The following ASCC3 variants were observed in gnomAD, a reference collection of about 807,000 sequenced individuals.
ASCC3 encodes the protein ASC-1 complex subunit P200.
ASCC3 carries 158 observed loss-of-function variants against 256.3 expected under a neutral mutation model. The observed-to-expected ratio is 0.62, with a 90% CI of 0.54 to 0.70. The LOEUF (loss-of-function observed/expected upper bound fraction) is 0.70, where lower values mean the gene tolerates loss of function less well. Among genes scored for constraint, ASCC3 ranks in the 30% least tolerant of loss-of-function variants. The probability of loss-of-function intolerance (pLI) is 0.00; values close to 1 mark genes in which losing one functional copy is unlikely to be tolerated. For synonymous variants in ASCC3, 948 were observed against 883.4 expected (o/e 1.07, Z -1.30); for missense variants, 2,259 against 2,626.0 (o/e 0.86, Z 3.05).
intron 36 of ASCC3, among the ~76,000 whole-genome samples, chr6:100,543,331 T>C (rs1775556627): frequency 6.6e-6 from 1 of 152,112 alleles, no homozygotes; most frequent in African/African-American, 2.4e-5. Flanking sequence ...TTTTTATGAA[T>C]ATTTTCGATC....
At chr6:100,725,392 C>G (rs989751194) in intron 11 of ASCC3, 147 bp downstream of exon 11, 3 of 972,438 alleles carry the variant, frequency 3.1e-6, no homozygotes, top group Non-Finnish European at 3.0e-6. Context: ...CTAGGGACAA[C>G]AGGTACATTC....
intron 8 of ASCC3, among the ~76,000 whole-genome samples, chr6:100,769,444 A>T (rs7757823): frequency 0.94 from 142,873 of 151,982 alleles, 67,478 homozygotes; most frequent in South Asian, 0.99. Flanking sequence ...CATTGCGCAG[A>T]ATATACATGC....
chr6:100,680,685 C>A (rs1013169966), intron 13 of ASCC3, among the ~76,000 whole-genome samples: 2 of 152,100 alleles, frequency 1.3e-5, no homozygotes, highest in African/African-American at 4.8e-5. Flanking sequence ...AAGACAAGTT[C>A]CCCTAGCCCC....
At chr6:100,689,964 G>A (rs1242775818) in intron 13 of ASCC3, among the ~76,000 whole-genome samples, 2 of 152,050 alleles carry the variant, frequency 1.3e-5, no homozygotes, top group African/African-American at 4.8e-5. Context: ...AAGAAAAAAA[G>A]ATATAAAAAT....
At chr6:100,859,089 T>A (rs778698488) in intron 3 of ASCC3, 1 of 779,324 alleles carries the variant, frequency 1.3e-6, no homozygotes, top group South Asian at 1.3e-5. Flanking sequence ...TCTTCTTTTG[T>A]CCATTTTAGT....
At chr6:100,547,181 A>G (rs1769016915) in intron 36 of ASCC3, among the ~76,000 whole-genome samples, 2 of 152,114 alleles carry the variant, frequency 1.3e-5, no homozygotes, top group South Asian at 4.1e-4. Context: ...ATGGCAAAAA[A>G]GAATCAACTT....
At chr6:100,788,558 G>C (rs1468541248) in intron 8 of ASCC3, among the ~76,000 whole-genome samples, 1 of 151,380 alleles carries the variant, frequency 6.6e-6, no homozygotes, top group Non-Finnish European at 1.5e-5. Context: ...CAAGCTAAAA[G>C]TACTTCAAAT....
At chr6:100,832,215 A>G (rs530086210) in intron 4 of ASCC3, among the ~76,000 whole-genome samples, 12 of 152,250 alleles carry the variant, frequency 7.9e-5, no homozygotes, top group African/African-American at 2.4e-4. Flanking sequence ...TTCAGAAAGA[A>G]CGCTTATAAA....
intron 10 of ASCC3, among the ~76,000 whole-genome samples, chr6:100,755,065 A>C (rs1393423672): frequency 6.6e-6 from 1 of 151,948 alleles, no homozygotes; most frequent in African/African-American, 2.4e-5. Flanking sequence ...AAAATGGACT[A>C]ATACGAGATC....
rs188253088 is a variant in ASCC3 at position 100,707,138 on chromosome 6, A to T, written c.2151+8324T>A. Among the ~76,000 whole-genome samples the T allele has an allele frequency of 2.8e-4, 43 of 152,250 alleles. 1 individual carries two copies. The highest frequency in any genetic ancestry group is 9.9e-4 in the African/African-American group (41 of 41,584). On this transcript the variant is annotated intron_variant, in intron 13 of 41. Coordinates refer to ENST00000369162, the MANE Select transcript of ASCC3 (RefSeq NM_006828.4). ...TTACCACAGACTTCCCATGCATATG[A>T]TGATATACTGAGAACTAAATCAACA...
intron 8 of ASCC3, among the ~76,000 whole-genome samples, chr6:100,796,584 A>T (rs1002201944): frequency 6.6e-6 from 1 of 152,100 alleles, no homozygotes; most frequent in Non-Finnish European, 1.5e-5. Context: ...AGGAAGAAAC[A>T]CCAGAGGTCT....
chr6:100,595,180 T>C (rs867873653), intron 34 of ASCC3, among the ~76,000 whole-genome samples: 2 of 152,138 alleles, frequency 1.3e-5, no homozygotes, highest in African/African-American at 2.4e-5. Flanking sequence ...TTGTGTATTT[T>C]AAAATTACTA....
intron 25 of ASCC3, among the ~76,000 whole-genome samples, chr6:100,637,851 A>T (rs1774921529): frequency 6.6e-6 from 1 of 152,192 alleles, no homozygotes; most frequent in Non-Finnish European, 1.5e-5. Context: ...TGAACAGATG[A>T]GGAGTTGCTT....
chr6:100,567,744 C>CTG (rs1770344188), intron 36 of ASCC3, among the ~76,000 whole-genome samples: 1 of 151,962 alleles, frequency 6.6e-6, no homozygotes, highest in South Asian at 2.1e-4. Flanking sequence ...TTTTTTGTGG[C>CTG]TGTGTAGTAT....
At chr6:100,686,710 C>T (rs2114976687) in intron 13 of ASCC3, among the ~76,000 whole-genome samples, 1 of 152,056 alleles carries the variant, frequency 6.6e-6, no homozygotes, top group South Asian at 2.1e-4. Flanking sequence ...TAACTCTGTA[C>T]ACAAGTCATT....
At chr6:100,731,222 T>TA (rs952833428) in intron 10 of ASCC3, among the ~76,000 whole-genome samples, 2 of 152,126 alleles carry the variant, frequency 1.3e-5, no homozygotes, top group Non-Finnish European at 2.9e-5. Flanking sequence ...ATTGAACATG[T>TA]AAAAAAATAC....
At chr6:100,701,777 G>A (rs375179068) in intron 13 of ASCC3, among the ~76,000 whole-genome samples, 2 of 152,062 alleles carry the variant, frequency 1.3e-5, no homozygotes, top group African/African-American at 2.4e-5. Context: ...TAAAAAAAAG[G>A]GTTTCTCTGA....
At chr6:100,591,042 G>T (rs1013280901) in intron 34 of ASCC3, among the ~76,000 whole-genome samples, 6 of 151,968 alleles carry the variant, frequency 3.9e-5, no homozygotes, top group African/African-American at 1.4e-4. Flanking sequence ...TAAAAAGGAA[G>T]TTACTTTAAT....
At chr6:100,627,506 C>A in intron 29 of ASCC3, 84 bp downstream of exon 29, 1 of 1,568,184 alleles carries the variant, frequency 6.4e-7, no homozygotes, top group South Asian at 1.1e-5. Context: ...ATCATCCTTT[C>A]AAAGAAACCA....
Sources: allele counts gnomAD v4.1 joint callset (sites outside exome capture counted in the v4.1 genomes callset), GRCh38; gene constraint gnomAD v4.1.1; transcripts MANE v1.5; gene names NCBI Gene and HGNC (gene_info 2026-07-23, HGNC 2026-07-21).